Variants in NCOA6 observed in about 807,000 individuals in gnomAD.
NCOA6 encodes NRC RAP250.
A neutral mutation model predicts 171.4 loss-of-function variants in NCOA6; 49 were observed. That is an observed-to-expected ratio of 0.29 (90% confidence interval 0.23 to 0.36). The LOEUF is 0.36. NCOA6 is among the 10% of genes least tolerant of loss of function. The pLI is 1.00. For synonymous variants in NCOA6, 910 were observed against 927.5 expected (o/e 0.98, Z 0.34); for missense variants, 2,248 against 2,554.5 (o/e 0.88, Z 2.59).
intron 2 of NCOA6, among the ~76,000 whole-genome samples, chr20:34,790,025 A>C (rs1164067910): frequency 6.6e-6 from 1 of 151,698 alleles, no homozygotes; most frequent in East Asian, 1.9e-4. Context: ...ACTTGAGGTC[A>C]GGAGTTCGAG....
intron 1 of NCOA6, among the ~76,000 whole-genome samples, chr20:34,804,197 C>A (rs145966026): frequency 7.3e-5 from 11 of 151,432 alleles, no homozygotes; most frequent in African/African-American, 2.4e-4. Flanking sequence ...ATTAGCCGGG[C>A]GTGGTGACAG....
chr20:34,752,733 A>C, intron 8 of NCOA6, among the ~76,000 whole-genome samples: 1 of 152,060 alleles, frequency 6.6e-6, no homozygotes, highest in East Asian at 1.9e-4. Context: ...GTTCGAGACC[A>C]GCCTGGCCAA....
chr20:34,727,331 C>T lies in NCOA6; in HGVS notation c.6076G>A (p.Ala2026Thr), dbSNP rs1287801797. The T allele has an allele frequency of 1.2e-6, 2 of 1,614,160 alleles. No individual in the cohort carries two copies. Among genetic ancestry groups the T allele is most frequent in the Admixed American group, 3.3e-5 (2 of 60,026 alleles). The change falls in exon 14 of 15, where the codon GCC (alanine) becomes ACC (threonine). Residue 2026 changes from alanine to threonine, a missense_variant. By Grantham distance (58) the Ala-to-Thr change is moderately conservative. Around this residue, in one of 7 missense-constraint regions of NCOA6, gnomAD observed 884 missense variants for 941.9 expected, o/e 0.94. Coordinates refer to ENST00000359003, the MANE Select transcript of NCOA6 (RefSeq NM_014071.5). ...TGTCCATTTTCCACACTTTCAGAGG[C>T]CACAGTTGGCTCTTCAGTTCGGGAG... The part of the protein sequence containing the change: ...RNSRTEEPTV[A>T]SESVENGHRK...
At chr20:34,803,108 G>A (rs949164872) in intron 1 of NCOA6, among the ~76,000 whole-genome samples, 4 of 152,082 alleles carry the variant, frequency 2.6e-5, no homozygotes, top group Non-Finnish European at 5.9e-5. Flanking sequence ...ACCATGCCCA[G>A]CGATTTATAA....
At chr20:34,800,641 G>T (rs1213671026) in intron 1 of NCOA6, among the ~76,000 whole-genome samples, 1 of 151,996 alleles carries the variant, frequency 6.6e-6, no homozygotes. Context: ...TGATAAAGGG[G>T]TCAATTCAGC....
chr20:34,781,940 C>T (rs898716850), intron 3 of NCOA6, among the ~76,000 whole-genome samples, 181 bp downstream of exon 3: 1 of 152,138 alleles, frequency 6.6e-6, no homozygotes, highest in African/African-American at 2.4e-5. Context: ...TTCAGTTCTT[C>T]TATGTACTTA....
rs775410864 is a variant in NCOA6, at chr20:34,749,830, G to A, written c.2365C>T (p.Arg789Trp). ...ATGTGTGGGCTGGGCCCTGGTGGCC[G>A]CAGGACCTGTCCCTGAATGCCCATA... ...QVMGIQGQVL[R>W]PPGPSPHMAQ... The change falls in exon 9 of 15, where the codon CGG (arginine) becomes TGG (tryptophan). Residue 789 changes from arginine (R) to tryptophan (W), a missense_variant. By Grantham distance (101) the Arg-to-Trp change is moderately radical (BLOSUM62 -3). Transcript: ENST00000359003. The A allele has an allele frequency of 9.9e-6, 16 of 1,614,052 alleles. No homozygotes were observed. Among genetic ancestry groups the A allele is most frequent in the Non-Finnish European group, 1.0e-5 (12 of 1,180,042 alleles).
At chr20:34,735,853 T>G (rs966946397) in intron 12 of NCOA6, among the ~76,000 whole-genome samples, 1 of 152,140 alleles carries the variant, frequency 6.6e-6, no homozygotes, top group Non-Finnish European at 1.5e-5. Flanking sequence ...AAATTAAGCA[T>G]GGCTACTATT....
intron 4 of NCOA6, 131 bp downstream of exon 4, chr20:34,776,162 C>A (rs2077315017): frequency 1.7e-6 from 2 of 1,206,262 alleles, no homozygotes; most frequent in East Asian, 2.4e-5. Context: ...AAGCAAAGTA[C>A]AAGTTACATG....
chr20:34,768,352 T>C (rs924975517), intron 5 of NCOA6, 112 bp downstream of exon 5: 1 of 1,354,338 alleles, frequency 7.4e-7, no homozygotes, highest in African/African-American at 1.5e-5. Context: ...ATTCAGCAAA[T>C]AGAGATGTTA....
chr20:34,792,749 T>G (rs772125810), intron 1 of NCOA6, among the ~76,000 whole-genome samples, 186 bp from the exon 2 acceptor site: 16 of 151,580 alleles, frequency 1.1e-4, no homozygotes, highest in Non-Finnish European at 2.1e-4. Context: ...AGGGTTTTCA[T>G]TAAGTCTACA....
chr20:34,734,472 C>T (rs1008789443), intron 12 of NCOA6, among the ~76,000 whole-genome samples: 3 of 152,144 alleles, frequency 2.0e-5, no homozygotes, highest in African/African-American at 7.2e-5. Context: ...ATCCTCCTAC[C>T]TCAGCCTCCC....
intron 1 of NCOA6, among the ~76,000 whole-genome samples, chr20:34,823,239 TG>T (rs1432916757): frequency 7.9e-5 from 12 of 152,218 alleles, no homozygotes; most frequent in African/African-American, 2.6e-4. Flanking sequence ...CAGAATAGGC[TG>T]GGCGCGGTGG....
At chr20:34,723,874 A>T (rs1053271554) in intron 14 of NCOA6, among the ~76,000 whole-genome samples, 1 of 152,162 alleles carries the variant, frequency 6.6e-6, no homozygotes, top group African/African-American at 2.4e-5. Flanking sequence ...GCTGAGGTCA[A>T]GGTTCCAAAA....
chr20:34,821,200 C>T (rs555791816), intron 1 of NCOA6: 1 of 152,296 alleles, frequency 6.6e-6, no homozygotes, highest in African/African-American at 2.4e-5. Flanking sequence ...GTATTTCCAG[C>T]TTTGTGAGCT....
chr20:34,715,799 C>T (rs1233608816), intron 14 of NCOA6, among the ~76,000 whole-genome samples: 1 of 152,140 alleles, frequency 6.6e-6, no homozygotes, highest in Admixed American at 6.5e-5. Context: ...CTTGGGATCC[C>T]TTTTGGAGCC....
intron 13 of NCOA6, among the ~76,000 whole-genome samples, chr20:34,731,677 T>C (rs2075783886): frequency 6.6e-6 from 1 of 152,234 alleles, no homozygotes. Flanking sequence ...AAGTGTCTTA[T>C]GAAGTTGCTG....
chr20:34,715,117 T>C lies in NCOA6; in HGVS notation c.*205A>G. 1 of 558,894 alleles carries C rather than the reference T, an allele frequency of 1.8e-6. No homozygotes were observed. Among genetic ancestry groups the C allele is most frequent in the Non-Finnish European group, 3.2e-6 (1 of 315,184 alleles). The allele number at this position is 558,894 out of a possible 1,614,324, so 34.6% of individuals were successfully genotyped here. ...ATACAAGACAACATTTTAGAAACCT[T>C]GAACTTCAACTCGCAACACCAAAAG... On this transcript the variant is annotated 3_prime_UTR_variant, in exon 15 of 15. Transcript: ENST00000359003.
chr20:34,794,546 T>C (rs1330352837), intron 1 of NCOA6, among the ~76,000 whole-genome samples: 1 of 151,968 alleles, frequency 6.6e-6, no homozygotes, highest in Non-Finnish European at 1.5e-5. Flanking sequence ...GCTGTCTGTG[T>C]ACTGACACAA....
Sources: gnomAD v4.1 joint callset for allele counts (sites outside exome capture counted in the v4.1 genomes callset) on GRCh38, gnomAD v4.1.1 for gene constraint, gnomAD v4.1.1 regional missense constraint, MANE v1.5 for transcripts, NCBI Gene and HGNC (gene_info 2026-07-23, HGNC 2026-07-21) for gene names.